CCDC88C: variants seen among roughly 807,000 people sequenced by gnomAD.
The protein encoded by CCDC88C is coiled-coil and HOOK domain protein 88C, also known as protein Daple.
A neutral mutation model predicts 198.8 loss-of-function variants in CCDC88C; 131 were observed. The observed-to-expected ratio is 0.66, with a 90% confidence interval of 0.57 to 0.76. The LOEUF is 0.76. Ranked by LOEUF, CCDC88C falls within the 30% of genes least tolerant of loss-of-function variation. The pLI is 0.00. For missense variants in CCDC88C, 2,553 were observed against 2,631.6 expected (o/e 0.97, Z 0.65); for synonymous variants, 1,166 against 1,114.7 (o/e 1.05, Z -0.92).
At chr14:91,409,485 C>T (rs371749498) in intron 2 of CCDC88C, among the ~76,000 whole-genome samples, 27 of 120,878 alleles carry the variant, frequency 2.2e-4, no homozygotes, top group African/African-American at 8.3e-4. Flanking sequence ...TAAAACGGTA[C>T]ATTTCTTTTT....
Position 91,289,128 on chromosome 14 carries a change from G to A in CCDC88C, c.4418C>T (p.Ala1473Val), listed in dbSNP as rs778150180. The change falls in exon 25 of 30, where the codon GCC becomes GTC. Residue 1473 changes from alanine (A) to valine (V), a missense_variant. Coordinates refer to ENST00000389857, the MANE Select transcript of CCDC88C (RefSeq NM_001080414.4). Reference sequence around the variant, plus strand: ...ACCTTTCCCCACAGACCCGTTGTGGGCGTCGCGCTCTTCTGCACAGTTGGA... The same window carrying A: ...ACCTTTCCCCACAGACCCGTTGTGGACGTCGCGCTCTTCTGCACAGTTGGA... ...LGSNCAEERD[A>V]HNGSVGKGPG... 1.6e-5 allele frequency: 26 copies of A among 1,612,996 alleles called. No individual in the cohort carries two copies. In the Admixed American group the frequency reaches 3.7e-4, roughly 23 times the overall value.
intron 3 of CCDC88C, among the ~76,000 whole-genome samples, chr14:91,370,243 A>G (rs1190114216): frequency 6.6e-6 from 1 of 152,196 alleles, no homozygotes; most frequent in Non-Finnish European, 1.5e-5. Flanking sequence ...AAAGGACTTC[A>G]GTCTCCTTCA....
chr14:91,402,627 C>A (rs1374633689), intron 3 of CCDC88C, among the ~76,000 whole-genome samples: 1 of 152,116 alleles, frequency 6.6e-6, no homozygotes, highest in African/African-American at 2.4e-5. Flanking sequence ...GAGGTGTTAA[C>A]CCCAGGAAGG....
At chr14:91,415,999 T>C (rs1416765017) in intron 2 of CCDC88C, among the ~76,000 whole-genome samples, 2 of 152,060 alleles carry the variant, frequency 1.3e-5, no homozygotes, top group Non-Finnish European at 2.9e-5. Flanking sequence ...GACACTCAGT[T>C]CCAATGTTCC....
chr14:91,287,403 T>A (rs901778295), intron 25 of CCDC88C, among the ~76,000 whole-genome samples: 1 of 152,120 alleles, frequency 6.6e-6, no homozygotes, highest in Non-Finnish European at 1.5e-5. Context: ...CAGGCTGGAG[T>A]ACAGTGGTAT....
intron 3 of CCDC88C, among the ~76,000 whole-genome samples, chr14:91,394,534 T>C (rs1246202612): frequency 2.0e-5 from 3 of 152,222 alleles, no homozygotes; most frequent in Non-Finnish European, 4.4e-5. Context: ...TGCTCCCTGA[T>C]TGTAATGACT....
chr14:91,365,168 T>TCCCTCAC (rs58915053), intron 3 of CCDC88C, among the ~76,000 whole-genome samples: 85,144 of 149,308 alleles, frequency 0.57, 25,501 homozygotes, highest in African/African-American at 0.76. Context: ...CTCCTCCAAC[T>TCCCTCAC]CCCTCACCCC....
At chr14:91,403,845 G>A (rs1322398298) in intron 3 of CCDC88C, among the ~76,000 whole-genome samples, 8 of 152,232 alleles carry the variant, frequency 5.3e-5, no homozygotes, top group Admixed American at 4.6e-4. Flanking sequence ...TAGGAGGATC[G>A]CCTGAGCCCA....
intron 4 of CCDC88C, among the ~76,000 whole-genome samples, chr14:91,349,055 G>A (rs1484393189): frequency 1.3e-5 from 2 of 152,180 alleles, no homozygotes; most frequent in Non-Finnish European, 2.9e-5. Flanking sequence ...ACCAGATTGT[G>A]GGTTTTGAAT....
At chr14:91,358,894 A>G (rs998755998) in intron 4 of CCDC88C, among the ~76,000 whole-genome samples, 4 of 152,204 alleles carry the variant, frequency 2.6e-5, no homozygotes, top group African/African-American at 9.6e-5. Context: ...ACAGGGAGAC[A>G]TAAGACAGAT....
chr14:91,357,851 C>T (rs141403520), intron 4 of CCDC88C, among the ~76,000 whole-genome samples: 20 of 152,320 alleles, frequency 1.3e-4, no homozygotes, highest in African/African-American at 4.6e-4. Flanking sequence ...GAAATAAAGC[C>T]GGAACACACA....
At chr14:91,293,347 TCC>T (rs1241887176) in intron 23 of CCDC88C, among the ~76,000 whole-genome samples, 1 of 46,638 alleles carries the variant, frequency 2.1e-5, no homozygotes, top group African/African-American at 9.8e-5. Flanking sequence ...CACCTTCCTG[TCC>T]CCTCGCCTGC....
At chr14:91,375,495 G>T (rs1217325294) in intron 3 of CCDC88C, among the ~76,000 whole-genome samples, 2 of 152,188 alleles carry the variant, frequency 1.3e-5, no homozygotes, top group Admixed American at 6.5e-5. Flanking sequence ...GGGGAAGAGG[G>T]GGGTGGGCAG....
chr14:91,311,937 G>GA (rs1302376211), intron 15 of CCDC88C, among the ~76,000 whole-genome samples: 7 of 150,772 alleles, frequency 4.6e-5, no homozygotes, highest in Admixed American at 4.6e-4. Flanking sequence ...AGGATTCTAG[G>GA]AAAAAAGGTA....
Position 91,303,700 on chromosome 14 carries a change from C to T in CCDC88C, c.3635+1G>A. On this transcript the variant is annotated splice_donor_variant, in intron 20 of 29. Coordinates refer to ENST00000389857, the MANE Select transcript of CCDC88C (RefSeq NM_001080414.4). LOFTEE classifies it high-confidence loss of function. Reference sequence around the variant, plus strand: ...GATCCCCTTCCTTCCCCAGGCCCTACCTCTCCCCGAGCTCCTTGTGCTCCA... The same window carrying T: ...GATCCCCTTCCTTCCCCAGGCCCTATCTCTCCCCGAGCTCCTTGTGCTCCA... The T allele has an allele frequency of 6.3e-7, 1 of 1,577,332 alleles. No individual in the cohort carries two copies. The highest frequency in any genetic ancestry group is 8.6e-7 in the Non-Finnish European group (1 of 1,159,592).
In CCDC88C at chr14:91,325,446, T is replaced by G. The variant is rs965629911; in HGVS notation, c.1197+464A>C. Among the ~76,000 whole-genome samples, 1 of 152,116 alleles carries G rather than the reference T, an allele frequency of 6.6e-6. No individual in the cohort carries two copies. Among genetic ancestry groups the G allele is most frequent in the Non-Finnish European group, 1.5e-5 (1 of 68,036 alleles). On this transcript the variant is annotated intron_variant, in intron 11 of 29. Transcript: ENST00000389857. The surrounding 1 kb of genome is among the most constrained non-coding windows in gnomAD (Gnocchi z 4.1). ...AAGCCTGCTGATTTTAGCAAGCTAC[T>G]CCCCGCAGTCAACAAGTCATTCGTG...
At chr14:91,327,708 G>A (rs2139835849) in intron 10 of CCDC88C, among the ~76,000 whole-genome samples, 1 of 152,276 alleles carries the variant, frequency 6.6e-6, no homozygotes, top group African/African-American at 2.4e-5. Flanking sequence ...CACAATGACG[G>A]GCTTCAAAGC....
intron 2 of CCDC88C, among the ~76,000 whole-genome samples, chr14:91,412,847 C>G (rs1596176931): frequency 6.6e-6 from 1 of 152,080 alleles, no homozygotes; most frequent in African/African-American, 2.4e-5. Flanking sequence ...GATTTTTGCG[C>G]CAATACAAAT....
intron 29 of CCDC88C, among the ~76,000 whole-genome samples, chr14:91,274,428 C>T (rs1889872415): frequency 6.6e-6 from 1 of 152,226 alleles, no homozygotes; most frequent in South Asian, 2.1e-4. Context: ...TCTATGGCCC[C>T]ACTCAGGAAC....
Sources: gnomAD v4.1 joint callset for allele counts (sites outside exome capture counted in the v4.1 genomes callset) on GRCh38, gnomAD v4.1.1 for gene constraint, Gnocchi (gnomAD v3.1) non-coding constraint, MANE v1.5 for transcripts, NCBI Gene and HGNC (gene_info 2026-07-23, HGNC 2026-07-21) for gene names.